DNAH3: variants seen among roughly 807,000 people sequenced by gnomAD.
The protein encoded by DNAH3 is axonemal beta dynein heavy chain 3.
Under a neutral mutation model 432.5 loss-of-function variants are expected in DNAH3, and 332 were observed. The observed-to-expected ratio is 0.77, with a 90% CI of 0.70 to 0.84. DNAH3 has a LOEUF of 0.84. Among genes scored for constraint, DNAH3 ranks in the 40% least tolerant of loss-of-function variants. The pLI, the probability that DNAH3 is intolerant of heterozygous loss-of-function variation, is 0.00. For missense variants in DNAH3, 4,861 were observed against 5,114.0 expected (o/e 0.95, Z 1.51); for synonymous variants, 1,956 against 1,900.2 (o/e 1.03, Z -0.76).
intron 35 of DNAH3, among the ~76,000 whole-genome samples, 164 bp downstream of exon 35, chr16:21,036,550 G>A (rs565700660): frequency 6.6e-6 from 1 of 152,256 alleles, no homozygotes; most frequent in Non-Finnish European, 1.5e-5. Flanking sequence ...AAGTAGCTGG[G>A]ACTACAGGCA....
intron 41 of DNAH3, among the ~76,000 whole-genome samples, chr16:21,014,808 T>C (rs76419699): frequency 0.031 from 4,717 of 152,156 alleles, 87 homozygotes; most frequent in Middle Eastern, 0.065. Context: ...CAAGTGGAAT[T>C]TGAAATGAAA....
intron 41 of DNAH3, among the ~76,000 whole-genome samples, chr16:21,014,211 A>G (rs550066701): frequency 6.6e-6 from 1 of 152,280 alleles, no homozygotes; most frequent in East Asian, 1.9e-4. Context: ...ATCAAATCCA[A>G]CAACATATGA....
chr16:21,082,849 C>A (rs201531746), intron 19 of DNAH3, among the ~76,000 whole-genome samples: 12,351 of 148,180 alleles, frequency 0.083, 744 homozygotes, highest in South Asian at 0.19. Flanking sequence ...AAAATTAACA[C>A]AAATGGCTCA....
chr16:20,964,434 T>C (rs1203144013), exon 53 of DNAH3: 1 of 1,614,080 alleles, frequency 6.2e-7, no homozygotes, highest in Admixed American at 1.7e-5. Flanking sequence ...ACTCAACTCC[T>C]TGCTGTTTGA....
intron 9 of DNAH3, 28 bp from the exon 11 acceptor site, chr16:21,122,152 G>A (rs767204755): frequency 1.6e-5 from 25 of 1,573,922 alleles, no homozygotes; most frequent in East Asian, 4.5e-5. Context: ...TAGGGCAAGC[G>A]TTACAAAATT....
rs1173685123 is a variant in DNAH3 at position 21,122,512 on chromosome 16, G to A, written c.1405-388C>T. ...GCAGAGGTTGCAGTGAGATCACGCC[G>A]TTACACTACAGCCTGGGCAACAAGA... On this transcript the variant is annotated intron_variant, in intron 9 of 61. Transcript: ENST00000261383. Among the ~76,000 whole-genome samples, 6 of 152,078 alleles carry A rather than the reference G, an allele frequency of 3.9e-5. 1 individual carries two copies. The highest frequency in any genetic ancestry group is 2.0e-4 in the Admixed American group (3 of 15,246).
exon 30 of DNAH3, chr16:21,049,986 C>T: frequency 6.2e-7 from 1 of 1,614,156 alleles, no homozygotes; most frequent in South Asian, 1.1e-5. Flanking sequence ...TGGAGCACCC[C>T]CAAGGTTCAG....
At chr16:20,935,445 G>A (rs2083552612) in exon 61 of DNAH3, 4 of 1,611,968 alleles carry the variant, frequency 2.5e-6, no homozygotes, top group Non-Finnish European at 2.5e-6. Context: ...GTAGAATCCA[G>A]AGATCCAAAA....
intron 31 of DNAH3, among the ~76,000 whole-genome samples, chr16:21,047,379 T>A (rs1462599152): frequency 6.6e-6 from 1 of 150,634 alleles, no homozygotes; most frequent in Non-Finnish European, 1.5e-5. Context: ...TCATTTCTTT[T>A]TATTCTTTTT....
At chr16:21,146,757 TTC>T (rs1223875280) in intron 1 of DNAH3, among the ~76,000 whole-genome samples, 2 of 122,032 alleles carry the variant, frequency 1.6e-5, no homozygotes, top group South Asian at 5.8e-4. Context: ...TGTTTCTTTT[TTC>T]TTTCTTTCTT....
Position 21,081,492 on chromosome 16 carries a change from C to A in DNAH3, c.2969+144G>T, listed in dbSNP as rs1049165280. The A allele has an allele frequency of 6.5e-5, 37 of 567,512 alleles. No individual in the cohort carries two copies. The Admixed American group carries it at 9.5e-4, about 15-fold the overall frequency. The allele number at this position is 567,512 out of a possible 1,614,324, so 35.2% of individuals were successfully genotyped here. A position where few individuals can be genotyped will look rare whatever the true frequency, so the allele number is the denominator to read the frequency against. ...AAGCTTCACCAATACGAGTTGGTAG[C>A]TGCAGGTAATTAAATAGCCTTAAGC... On this transcript the variant is annotated intron_variant, in intron 20 of 61. Coordinates refer to ENST00000261383, the Ensembl canonical transcript of DNAH3.
At chr16:21,075,627 T>C in intron 20 of DNAH3, 66 bp from the exon 21 acceptor site, 1 of 1,262,968 alleles carries the variant, frequency 7.9e-7, no homozygotes. Flanking sequence ...AAGGAGGAAC[T>C]TCAGGCCAGG....
At chr16:21,072,327 GTATT>G (rs956976561) in intron 21 of DNAH3, among the ~76,000 whole-genome samples, 4 of 152,174 alleles carry the variant, frequency 2.6e-5, no homozygotes, top group South Asian at 4.1e-4. Context: ...CATGTGCCAT[GTATT>G]TATTTATTTA....
chr16:21,148,694 G>A (rs1451174570), intron 1 of DNAH3, among the ~76,000 whole-genome samples: 1 of 152,150 alleles, frequency 6.6e-6, no homozygotes, highest in Non-Finnish European at 1.5e-5. Flanking sequence ...ACTAGGCTAT[G>A]TCATAGGCTT....
At chr16:21,038,787 A>C (rs147573695) in intron 33 of DNAH3, among the ~76,000 whole-genome samples, 1 of 152,206 alleles carries the variant, frequency 6.6e-6, no homozygotes, top group African/African-American at 2.4e-5. Context: ...TTGAGTGAGC[A>C]AATCAATGCA....
chr16:21,152,765 G>GGGTCCCCC (rs1449214188), intron 1 of DNAH3, among the ~76,000 whole-genome samples: 25 of 152,376 alleles, frequency 1.6e-4, no homozygotes, highest in South Asian at 1.2e-3. Context: ...AGGGTGTACT[G>GGGTCCCCC]GGTCCCCCAG....
chr16:21,149,029 G>A (rs909702436), intron 1 of DNAH3, among the ~76,000 whole-genome samples: 2 of 151,942 alleles, frequency 1.3e-5, no homozygotes, highest in Non-Finnish European at 2.9e-5. Context: ...CCAGGAGTTC[G>A]AGACCAGCCT....
At chr16:21,042,280 C>A (rs755822232) in intron 31 of DNAH3, 77 bp from the exon 32 acceptor site, 247 of 1,439,182 alleles carry the variant, frequency 1.7e-4, no homozygotes, top group Non-Finnish European at 2.1e-4. Flanking sequence ...AGTCCTCCCA[C>A]ATAGCAAAGA....
intron 25 of DNAH3, among the ~76,000 whole-genome samples, chr16:21,060,870 C>T (rs2090334652): frequency 7.2e-6 from 1 of 138,174 alleles, no homozygotes; most frequent in African/African-American, 2.7e-5. Flanking sequence ...CAGGGCCTTG[C>T]TCTGTCATCC....
Sources: allele counts gnomAD v4.1 joint callset (sites outside exome capture counted in the v4.1 genomes callset), GRCh38; gene constraint gnomAD v4.1.1; transcripts MANE v1.5; gene names NCBI Gene and HGNC (gene_info 2026-07-23, HGNC 2026-07-21).